Variants in DOCK3 observed in about 807,000 individuals in gnomAD.
DOCK3 encodes the protein dedicator of cytokinesis 3.
In DOCK3, 60 loss-of-function variants were observed where a neutral mutation model predicts 265.6. The observed-to-expected ratio is 0.23, with a 90% confidence interval of 0.18 to 0.28. The LOEUF (loss-of-function observed/expected upper bound fraction) is 0.28, where lower values mean the gene tolerates loss of function less well. DOCK3 is among the 10% of genes least tolerant of loss of function. The pLI, the probability that DOCK3 is intolerant of heterozygous loss-of-function variation, is 1.00. For synonymous variants in DOCK3, 881 were observed against 938.0 expected (o/e 0.94, Z 1.11); for missense variants, 1,981 against 2,594.3 (o/e 0.76, Z 5.14).
chr3:51,320,837 T>C (rs1468566581), intron 32 of DOCK3, among the ~76,000 whole-genome samples: 3 of 152,134 alleles, frequency 2.0e-5, no homozygotes, highest in Non-Finnish European at 2.9e-5. Context: ...CAGGGGCTTA[T>C]AGATAAAACC....
intron 3 of DOCK3, among the ~76,000 whole-genome samples, chr3:50,859,248 A>G (rs1393887152): frequency 5.2e-5 from 6 of 115,410 alleles, no homozygotes; most frequent in Non-Finnish European, 1.6e-5. Context: ...ACGGAATCTG[A>G]CTCTGTCGCC....
intron 1 of DOCK3, among the ~76,000 whole-genome samples, chr3:50,693,208 G>A (rs938841872): frequency 2.6e-5 from 4 of 152,238 alleles, no homozygotes; most frequent in Non-Finnish European, 4.4e-5. Context: ...TGCTATTAGA[G>A]GGCCCTTGAG....
chr3:51,354,341 T>G (rs1411120591), intron 40 of DOCK3, among the ~76,000 whole-genome samples: 2 of 151,892 alleles, frequency 1.3e-5, no homozygotes, highest in Non-Finnish European at 2.9e-5. Context: ...GGGAAGCATA[T>G]GGCTGGCCCT....
intron 47 of DOCK3, 75 bp downstream of exon 47, chr3:51,360,707 C>T (rs1323889372): frequency 3.2e-6 from 5 of 1,571,868 alleles, no homozygotes; most frequent in Non-Finnish European, 4.3e-6. Context: ...GGAAAGAGTC[C>T]TCATGTATAC....
chr3:51,364,959 A>G (rs2087028143), intron 49 of DOCK3, among the ~76,000 whole-genome samples: 2 of 152,248 alleles, frequency 1.3e-5, no homozygotes, highest in South Asian at 2.1e-4. Context: ...TTGTCTTGGC[A>G]ATGCAGGCTC....
At chr3:51,256,485 G>T (rs1413790425) in intron 22 of DOCK3, among the ~76,000 whole-genome samples, 2 of 152,092 alleles carry the variant, frequency 1.3e-5, no homozygotes, top group Non-Finnish European at 2.9e-5. Context: ...TGGCCAGGCT[G>T]GTCTCAAACT....
chr3:51,017,298 TG>T (rs2079387557), intron 5 of DOCK3, among the ~76,000 whole-genome samples: 1 of 151,510 alleles, frequency 6.6e-6, no homozygotes, highest in African/African-American at 2.4e-5. Flanking sequence ...TTGTCAATTT[TG>T]TTTATCTTTT....
chr3:51,323,446 A>G (rs1265450477), intron 32 of DOCK3, among the ~76,000 whole-genome samples: 1 of 152,238 alleles, frequency 6.6e-6, no homozygotes, highest in Non-Finnish European at 1.5e-5. Flanking sequence ...AATTGACCAC[A>G]TAATTGGAAG....
chr3:51,091,216 C>T (rs1042874948), intron 9 of DOCK3, among the ~76,000 whole-genome samples: 20 of 152,090 alleles, frequency 1.3e-4, no homozygotes, highest in African/African-American at 4.1e-4. Flanking sequence ...TGCATGTAGG[C>T]AAGACTACAG....
intron 22 of DOCK3, among the ~76,000 whole-genome samples, chr3:51,251,333 G>C (rs112985412): frequency 6.6e-6 from 1 of 152,170 alleles, no homozygotes; most frequent in Admixed American, 6.5e-5. Context: ...AAACATACAT[G>C]TGCATGTGTC....
At chr3:51,110,239 C>T (rs2083457794) in intron 9 of DOCK3, among the ~76,000 whole-genome samples, 2 of 152,104 alleles carry the variant, frequency 1.3e-5, no homozygotes, top group Non-Finnish European at 1.5e-5. Context: ...CCAAATTCTA[C>T]AGATATACAA....
At chr3:50,890,269 G>A (rs942259985) in intron 4 of DOCK3, among the ~76,000 whole-genome samples, 188 bp downstream of exon 4, 2 of 151,944 alleles carry the variant, frequency 1.3e-5, no homozygotes, top group African/African-American at 4.8e-5. Context: ...CTGTTTTCTT[G>A]TATACGGAAG....
chr3:50,692,832 C>A (rs2035342122), intron 1 of DOCK3, among the ~76,000 whole-genome samples: 1 of 152,038 alleles, frequency 6.6e-6, no homozygotes, highest in African/African-American at 2.4e-5. Context: ...GAACCTTTCC[C>A]TGTATGTTTT....
rs2088817274 is a variant in DOCK3, at chr3:51,383,843, G to A, written c.*2284G>A. The A allele has an allele frequency of 1.3e-5, 2 of 152,628 alleles. No homozygotes were observed. The highest frequency in any genetic ancestry group is 2.4e-5 in the African/African-American group (1 of 41,448). 9.5% of individuals were successfully genotyped at this position (152,628 alleles called of 1,614,324 possible). Reference sequence around the variant, plus strand: ...TTGTACAGGAATTTGAGCAAAAAATGTATAGAGTGTGATGTCCAATTGGTA... The same window carrying A: ...TTGTACAGGAATTTGAGCAAAAAATATATAGAGTGTGATGTCCAATTGGTA... On this transcript the variant is annotated 3_prime_UTR_variant, in exon 53 of 53. Transcript: ENST00000266037.
chr3:51,139,870 C>T (rs536738360), intron 9 of DOCK3, among the ~76,000 whole-genome samples: 45 of 152,142 alleles, frequency 3.0e-4, no homozygotes, highest in Non-Finnish European at 5.3e-4. Flanking sequence ...GCACAAAGGT[C>T]CTAAGGCAAG....
chr3:50,921,012 T>C (rs2050424396), intron 4 of DOCK3, among the ~76,000 whole-genome samples: 1 of 152,212 alleles, frequency 6.6e-6, no homozygotes, highest in Admixed American at 6.5e-5. Flanking sequence ...ATGTACCCAG[T>C]AGTCATTCAG....
At chr3:51,027,129 C>CT (rs1305924410) in intron 5 of DOCK3, among the ~76,000 whole-genome samples, 3 of 152,034 alleles carry the variant, frequency 2.0e-5, no homozygotes, top group Non-Finnish European at 4.4e-5. Flanking sequence ...TTTGCTGCAT[C>CT]TGAGAGGTTT....
chr3:50,985,751 G>A (rs1265036949), intron 5 of DOCK3, among the ~76,000 whole-genome samples: 1 of 151,906 alleles, frequency 6.6e-6, no homozygotes, highest in Non-Finnish European at 1.5e-5. Context: ...TCTTAGGTCA[G>A]TGTTTTATTT....
intron 31 of DOCK3, among the ~76,000 whole-genome samples, chr3:51,314,761 GT>G (rs2109638652): frequency 6.6e-6 from 1 of 152,330 alleles, no homozygotes; most frequent in South Asian, 2.1e-4. Flanking sequence ...TGGAAAAGCA[GT>G]TTTGTGACAG....
Sources: allele counts gnomAD v4.1 joint callset (sites outside exome capture counted in the v4.1 genomes callset), GRCh38; gene constraint gnomAD v4.1.1; transcripts MANE v1.5; gene names NCBI Gene and HGNC (gene_info 2026-07-23, HGNC 2026-07-21).